Variants in MAP1B observed in about 807,000 individuals in gnomAD.
MAP1B encodes microtubule-associated protein 1B.
A neutral mutation model predicts 176.1 loss-of-function variants in MAP1B; 12 were observed. The observed-to-expected ratio is 0.07, with a 90% CI of 0.04 to 0.11. The LOEUF (loss-of-function observed/expected upper bound fraction) is 0.11, where lower values mean the gene tolerates loss of function less well. Ranked by LOEUF, MAP1B falls within the 10% of genes least tolerant of loss-of-function variation. The pLI is 1.00. For missense variants in MAP1B, 2,523 were observed against 2,990.5 expected, an observed-to-expected ratio of 0.84 and a Z score of 3.65; for synonymous variants, 1,044 against 1,135.0, an observed-to-expected ratio of 0.92 and a Z score of 1.61.
chr5:72,108,613 G>C (rs1324577028), intron 1 of MAP1B, among the ~76,000 whole-genome samples: 1 of 152,158 alleles, frequency 6.6e-6, no homozygotes, highest in African/African-American at 2.4e-5. Context: ...GCACAGCCTC[G>C]GGCGCACAGA....
chr5:72,127,240 C>T (rs1310493866), intron 2 of MAP1B, among the ~76,000 whole-genome samples: 3 of 152,190 alleles, frequency 2.0e-5, no homozygotes, highest in Non-Finnish European at 4.4e-5. Context: ...CCAATTAGCA[C>T]ACCATAATTT....
intron 2 of MAP1B, among the ~76,000 whole-genome samples, chr5:72,133,257 A>G (rs1300605770): frequency 6.6e-6 from 1 of 152,216 alleles, no homozygotes; most frequent in Non-Finnish European, 1.5e-5. Flanking sequence ...CTGTACTTAC[A>G]GGTGTTTTTC....
rs187532174 is a variant in MAP1B, at chr5:72,122,092, A to G, written c.286+6293A>G. Among the ~76,000 whole-genome samples, 4 of 152,354 alleles carry G rather than the reference A, an allele frequency of 2.6e-5. No homozygotes were observed. In the East Asian group the frequency reaches 5.8e-4, roughly 22 times the overall value. Reference sequence around the variant, plus strand: ...GGTATGTTAGAAGAAAATGACAAATAGAGAGCATTATATTCGTTAAGGTAA... The same window carrying G: ...GGTATGTTAGAAGAAAATGACAAATGGAGAGCATTATATTCGTTAAGGTAA... On this transcript the variant is annotated intron_variant, in intron 2 of 6. Transcript: ENST00000296755.
At chr5:72,123,505 GA>G (rs57023686) in intron 2 of MAP1B, among the ~76,000 whole-genome samples, 3,003 of 150,400 alleles carry the variant, frequency 0.02, 67 homozygotes, top group African/African-American at 0.057. Flanking sequence ...TTTTTTTGAA[GA>G]TGGAGTCTCA....
At chr5:72,137,894 C>A (rs1194871423) in intron 2 of MAP1B, among the ~76,000 whole-genome samples, 1 of 152,088 alleles carries the variant, frequency 6.6e-6, no homozygotes, top group Non-Finnish European at 1.5e-5. Context: ...TTTTTCATTT[C>A]CAAAGTTTTA....
chr5:72,151,934 A>T (rs1352043778), intron 2 of MAP1B, among the ~76,000 whole-genome samples: 1 of 152,178 alleles, frequency 6.6e-6, no homozygotes, highest in Non-Finnish European at 1.5e-5. Flanking sequence ...GAGATAGTAC[A>T]GAGAGTTCTT....
rs754910784 is a variant in MAP1B at position 72,186,594 on chromosome 5, C to T, written c.370-20C>T. On this transcript the variant is annotated intron_variant, in intron 3 of 6. Transcript: ENST00000296755. The surrounding 1 kb of genome is among the most constrained non-coding windows in gnomAD (Gnocchi z 4.3). ...AGCACTGCCCATGGCTCAGGGCCTACGTTCTGTGCTTTATTTCAGGTGCGC... is the reference window on the plus strand; with the variant it reads ...AGCACTGCCCATGGCTCAGGGCCTATGTTCTGTGCTTTATTTCAGGTGCGC... 29 of 1,612,938 alleles carry T rather than the reference C, an allele frequency of 1.8e-5. No individual in the cohort carries two copies. In the Admixed American group the frequency reaches 2.3e-4, roughly 13 times the overall value.
intron 2 of MAP1B, among the ~76,000 whole-genome samples, chr5:72,167,356 CA>C (rs1219513494): frequency 6.6e-6 from 1 of 152,048 alleles, no homozygotes; most frequent in East Asian, 1.9e-4. Flanking sequence ...GTTGAAACTC[CA>C]AAGTAATTAT....
chr5:72,125,055 C>T (rs1441821345), intron 2 of MAP1B, among the ~76,000 whole-genome samples: 1 of 152,220 alleles, frequency 6.6e-6, no homozygotes, highest in Non-Finnish European at 1.5e-5. Context: ...CTTTTAAAAA[C>T]CTCTCACTTG....
chr5:72,136,078 GA>G (rs1745833794), intron 2 of MAP1B, among the ~76,000 whole-genome samples: 1 of 152,182 alleles, frequency 6.6e-6, no homozygotes, highest in African/African-American at 2.4e-5. Context: ...CCCTTGTGTG[GA>G]ATAAAGGAGA....
chr5:72,161,261 C>G (rs1273048691), intron 2 of MAP1B, among the ~76,000 whole-genome samples: 2 of 152,200 alleles, frequency 1.3e-5, no homozygotes, highest in Non-Finnish European at 2.9e-5. Context: ...CACTTAATCT[C>G]TCTATACCCT....
intron 4 of MAP1B, among the ~76,000 whole-genome samples, chr5:72,192,733 C>G (rs1747049934): frequency 6.6e-6 from 1 of 152,142 alleles, no homozygotes; most frequent in Non-Finnish European, 1.5e-5. Context: ...CCTTTTCAGT[C>G]GAAACTCTGA....
At chr5:72,120,947 TC>T (rs1479951606) in intron 2 of MAP1B, among the ~76,000 whole-genome samples, 2 of 152,246 alleles carry the variant, frequency 1.3e-5, no homozygotes, top group Non-Finnish European at 2.9e-5. Context: ...TAAAGATGTT[TC>T]TCAGAGAAAC....
chr5:72,176,530 CAA>C (rs2112201340), intron 2 of MAP1B, among the ~76,000 whole-genome samples: 1 of 152,256 alleles, frequency 6.6e-6, no homozygotes, highest in African/African-American at 2.4e-5. Context: ...TGAGACAAAA[CAA>C]AGAACTACCT....
At chr5:72,168,655 C>T (rs1396952876) in intron 2 of MAP1B, among the ~76,000 whole-genome samples, 4 of 152,202 alleles carry the variant, frequency 2.6e-5, no homozygotes, top group Non-Finnish European at 5.9e-5. Context: ...CAGATTATTT[C>T]CCTCCCTCCT....
chr5:72,208,059 G>T lies in MAP1B; in HGVS notation c.*2820G>T, dbSNP rs1414609178. 9.3e-6 allele frequency: 1 copy of T among 107,268 alleles called. No individual in the cohort carries two copies. Among genetic ancestry groups the T allele is most frequent in the Non-Finnish European group, 1.8e-5 (1 of 56,604 alleles). The allele number at this position is 107,268 out of a possible 1,614,324, so 6.6% of individuals were successfully genotyped here. A position where few individuals can be genotyped will look rare whatever the true frequency, so the allele number is the denominator to read the frequency against. ...GCTCTTTTTCCTATGAAATCTATCA[G>T]TACCTTTCTCCATCCGTTGTTCTCA... On this transcript the variant is annotated 3_prime_UTR_variant, in exon 7 of 7. Coordinates refer to ENST00000296755, the MANE Select transcript of MAP1B (RefSeq NM_005909.5).
In MAP1B at chr5:72,209,429, G is replaced by A. The variant is rs767047771; in HGVS notation, c.*4190G>A. On this transcript the variant is annotated 3_prime_UTR_variant, in exon 7 of 7. Transcript: ENST00000296755. ...ATCCTATCCAGTCATATCTAATGTA[G>A]AAAATTAGTTTCCAGTGAAAGTAAT... The A allele has an allele frequency of 2.0e-5, 3 of 151,834 alleles. No individual in the cohort carries two copies. The highest frequency in any genetic ancestry group is 4.4e-5 in the Non-Finnish European group (3 of 67,972). 9.4% of individuals were successfully genotyped at this position (151,834 alleles called of 1,614,324 possible). A position where few individuals can be genotyped will look rare whatever the true frequency, so the allele number is the denominator to read the frequency against.
intron 1 of MAP1B, among the ~76,000 whole-genome samples, chr5:72,111,982 G>A (rs1745351451): frequency 6.6e-6 from 1 of 152,032 alleles, no homozygotes; most frequent in Non-Finnish European, 1.5e-5. Flanking sequence ...AATTAAAGAT[G>A]AGTTCAAGGG....
chr5:72,194,233 G>C lies in MAP1B; in HGVS notation c.878G>C (p.Cys293Ser). ...LINGGSERKS[C>S]FWKLIRHLDR... ...AATGGCGGATCAGAGAGAAAATCCT[G>C]CTTCTGGAAGCTCATCCGACACTTA... is the stretch of plus-strand genomic sequence containing the variant. The change falls in exon 5 of 7, where the codon TGC becomes TCC. Residue 293 changes from cysteine (C) to serine (S), a missense_variant. By Grantham distance (112) the Cys-to-Ser change is moderately radical. Around this residue, in one of 4 missense-constraint regions of MAP1B, gnomAD observed 307 missense variants for 438.4 expected, o/e 0.70. Coordinates refer to ENST00000296755, the MANE Select transcript of MAP1B (RefSeq NM_005909.5). The surrounding 1 kb of genome is among the most constrained non-coding windows in gnomAD (Gnocchi z 7.2). 1.2e-6 allele frequency: 2 copies of C among 1,614,188 alleles called. No homozygotes were observed. Among genetic ancestry groups the C allele is most frequent in the Non-Finnish European group, 1.7e-6 (2 of 1,180,036 alleles).
Sources: gnomAD v4.1 joint callset for allele counts (sites outside exome capture counted in the v4.1 genomes callset) on GRCh38, gnomAD v4.1.1 for gene constraint, gnomAD v4.1.1 regional missense constraint, Gnocchi (gnomAD v3.1) non-coding constraint, MANE v1.5 for transcripts, NCBI Gene and HGNC (gene_info 2026-07-23, HGNC 2026-07-21) for gene names.